Variants in DIP2B observed in about 807,000 individuals in gnomAD.
DIP2B encodes disco-interacting protein 2 homolog B.
DIP2B carries 76 observed loss-of-function variants against 198.0 expected under a neutral mutation model. The ratio of observed to expected loss-of-function variants is 0.38; its 90% confidence interval spans 0.32 to 0.46. DIP2B has a LOEUF of 0.46. DIP2B is among the 20% of genes least tolerant of loss of function. The pLI is 0.99. For missense variants in DIP2B, 1,559 were observed against 1,978.4 expected (o/e 0.79, Z 4.02); for synonymous variants, 701 against 739.1 (o/e 0.95, Z 0.84).
chr12:50,516,699 A>G (rs187938189), intron 1 of DIP2B, among the ~76,000 whole-genome samples: 1 of 152,122 alleles, frequency 6.6e-6, no homozygotes, highest in East Asian at 2.0e-4. Context: ...TTTTGGCCGG[A>G]CACGGTGGCT....
intron 1 of DIP2B, among the ~76,000 whole-genome samples, chr12:50,596,375 G>T (rs1272697407): frequency 6.6e-6 from 1 of 152,198 alleles, no homozygotes; most frequent in Non-Finnish European, 1.5e-5. Flanking sequence ...ATGGTTGGAG[G>T]CAGGTCGTTA....
chr12:50,652,743 CA>C (rs944084076), intron 3 of DIP2B, among the ~76,000 whole-genome samples: 12 of 152,110 alleles, frequency 7.9e-5, no homozygotes, highest in Non-Finnish European at 1.3e-4. Flanking sequence ...TAAAGTCTTC[CA>C]GTCCATGAAC....
chr12:50,551,687 G>C (rs1276324945), intron 1 of DIP2B, among the ~76,000 whole-genome samples: 1 of 152,140 alleles, frequency 6.6e-6, no homozygotes, highest in Non-Finnish European at 1.5e-5. Context: ...CACGTGATCT[G>C]CCCGCCTTGG....
In DIP2B at chr12:50,513,996, T is replaced by G. The variant is rs576433892; in HGVS notation, c.100+8756T>G. Reference sequence around the variant, plus strand: ...GTCTCTTTTTAGCTCTAGATTGATCTTTCATCTTTTAAAAATACTACTTTT... The same window carrying G: ...GTCTCTTTTTAGCTCTAGATTGATCGTTCATCTTTTAAAAATACTACTTTT... On this transcript the variant is annotated intron_variant, in intron 1 of 37. Coordinates refer to ENST00000301180, the MANE Select transcript of DIP2B (RefSeq NM_173602.3). 2.6e-5 allele frequency among the ~76,000 whole-genome samples: 4 copies of G among 152,262 alleles called. No homozygotes were observed. The East Asian group carries it at 7.7e-4, about 29-fold the overall frequency.
chr12:50,661,333 A>G (rs1938643024), intron 4 of DIP2B, among the ~76,000 whole-genome samples: 1 of 152,100 alleles, frequency 6.6e-6, no homozygotes, highest in Non-Finnish European at 1.5e-5. Flanking sequence ...AGGTTGCCTT[A>G]TGGTTGACTT....
At chr12:50,680,187 C>G (rs151152005) in intron 8 of DIP2B, 1 of 140,096 alleles carries the variant, frequency 7.1e-6, no homozygotes, top group Non-Finnish European at 1.5e-5. Flanking sequence ...AACAGGGAGA[C>G]AGACAGAGGT....
At chr12:50,541,403 CTTT>C (rs57979674) in intron 1 of DIP2B, among the ~76,000 whole-genome samples, 7 of 128,590 alleles carry the variant, frequency 5.4e-5, no homozygotes, top group Admixed American at 2.3e-4. Flanking sequence ...AAAGAACATT[CTTT>C]TTTTTTTTTT....
In DIP2B at chr12:50,670,967, A is replaced by G. The variant is rs1370369777; in HGVS notation, c.428-219A>G. On this transcript the variant is annotated intron_variant, in intron 4 of 37. Coordinates refer to ENST00000301180, the MANE Select transcript of DIP2B (RefSeq NM_173602.3). ...ATGTTTTGAAAGAGTTTAAAAGAAA[A>G]CAATTAAAAATTACCTATGGAGTTA... Among the ~76,000 whole-genome samples, 6 of 152,332 alleles carry G rather than the reference A, an allele frequency of 3.9e-5. No individual in the cohort carries two copies. The South Asian group carries it at 1.0e-3, about 26-fold the overall frequency.
At chr12:50,596,251 A>G (rs1958877512) in intron 1 of DIP2B, among the ~76,000 whole-genome samples, 1 of 152,262 alleles carries the variant, frequency 6.6e-6, no homozygotes, top group Non-Finnish European at 1.5e-5. Flanking sequence ...AATTATAAGT[A>G]GAAACAAAAA....
At chr12:50,570,358 A>G (rs932796720) in intron 1 of DIP2B, among the ~76,000 whole-genome samples, 4 of 152,210 alleles carry the variant, frequency 2.6e-5, no homozygotes, top group Non-Finnish European at 5.9e-5. Context: ...TTGAGCACCT[A>G]CTAAGTGCGA....
chr12:50,593,702 TCTCCC>T (rs1565836980), intron 1 of DIP2B, among the ~76,000 whole-genome samples: 20 of 56,524 alleles, frequency 3.5e-4, no homozygotes, highest in East Asian at 1.1e-3. Context: ...TCTCCTCTCC[TCTCCC>T]CTCCTCTCCT....
chr12:50,661,005 A>G (rs1485153644), intron 4 of DIP2B, among the ~76,000 whole-genome samples: 1 of 152,138 alleles, frequency 6.6e-6, no homozygotes, highest in Non-Finnish European at 1.5e-5. Flanking sequence ...AAGAGTTATA[A>G]CTTCATATTT....
rs1286598655 is a variant in DIP2B at position 50,683,180 on chromosome 12, G to C, written c.1249G>C (p.Val417Leu). Residue 417 changes from valine to leucine, a missense_variant, in exon 10 of 38, where the codon GTG (valine) becomes CTG (leucine). By Grantham distance (32) the Val-to-Leu change is conservative. Transcript: ENST00000301180. ...CAACAATGATCCAGTCATGTTTATG[G>C]TGGCTTTCTATGGATGCCTCCTGGC... is the stretch of plus-strand genomic sequence containing the variant. The part of the protein sequence containing the change: ...YPNNDPVMFM[V>L]AFYGCLLAEV... 1 of 1,612,848 alleles carries C rather than the reference G, an allele frequency of 6.2e-7. No homozygotes were observed. Among genetic ancestry groups the C allele is most frequent in the African/African-American group, 1.3e-5 (1 of 74,864 alleles).
intron 4 of DIP2B, among the ~76,000 whole-genome samples, chr12:50,664,944 G>A (rs1289260997): frequency 7.1e-6 from 1 of 140,250 alleles, no homozygotes; most frequent in African/African-American, 2.7e-5. Context: ...AAACTCCCAG[G>A]GTCAAGCAGT....
At chr12:50,724,640 G>T in intron 27 of DIP2B, 135 bp from the exon 28 acceptor site, 1 of 667,894 alleles carries the variant, frequency 1.5e-6, no homozygotes. Flanking sequence ...CACTGACCTC[G>T]TCTGTCTCAC....
At chr12:50,621,245 G>A (rs150874097) in intron 1 of DIP2B, among the ~76,000 whole-genome samples, 208 of 152,320 alleles carry the variant, frequency 1.4e-3, no homozygotes, top group African/African-American at 4.9e-3. Flanking sequence ...GCTAAGGGAT[G>A]TATCTATATC....
At chr12:50,695,224 T>C (rs762373863) in intron 14 of DIP2B, 43 bp from the exon 15 acceptor site, 1 of 1,483,006 alleles carries the variant, frequency 6.7e-7, no homozygotes, top group Non-Finnish European at 9.4e-7. Context: ...ATACTAAGTA[T>C]GTATTTTGTA....
intron 1 of DIP2B, among the ~76,000 whole-genome samples, chr12:50,516,298 A>G (rs1418608515): frequency 6.6e-6 from 1 of 151,214 alleles, no homozygotes; most frequent in East Asian, 1.9e-4. Flanking sequence ...CTCGTCACCA[A>G]GGCTGGAGTG....
intron 1 of DIP2B, among the ~76,000 whole-genome samples, chr12:50,579,970 G>T (rs1403824977): frequency 6.7e-6 from 1 of 149,218 alleles, no homozygotes; most frequent in African/African-American, 2.4e-5. Context: ...CTGGACAAAT[G>T]CTGGAAATAA....
Sources: gnomAD v4.1 joint callset for allele counts (sites outside exome capture counted in the v4.1 genomes callset) on GRCh38, gnomAD v4.1.1 for gene constraint, MANE v1.5 for transcripts, NCBI Gene and HGNC (gene_info 2026-07-23, HGNC 2026-07-21) for gene names.